The following WIPF1 variants were observed in gnomAD, a reference collection of about 807,000 sequenced individuals.
WIPF1 encodes the protein WAS/WASL-interacting protein family member 1.
A neutral mutation model predicts 35.4 loss-of-function variants in WIPF1; 13 were observed. The ratio of observed to expected loss-of-function variants is 0.37; its 90% CI spans 0.24 to 0.58. WIPF1 has a LOEUF of 0.58. Among genes scored for constraint, WIPF1 ranks in the 20% least tolerant of loss-of-function variants. The probability of loss-of-function intolerance (pLI) is 0.74; values close to 1 mark genes in which losing one functional copy is unlikely to be tolerated. For missense variants in WIPF1, 591 were observed against 667.0 expected (o/e 0.89, Z 1.25); for synonymous variants, 267 against 266.3 (o/e 1.00, Z -0.02).
intron 3 of WIPF1, among the ~76,000 whole-genome samples, chr2:174,576,608 C>CA (rs1685072215): frequency 6.6e-6 from 1 of 151,984 alleles, no homozygotes; most frequent in Non-Finnish European, 1.5e-5. Flanking sequence ...AATTTATCTG[C>CA]AAAAAATTGT....
chr2:174,586,017 C>G (rs1395126510), intron 1 of WIPF1, among the ~76,000 whole-genome samples: 3 of 152,178 alleles, frequency 2.0e-5, no homozygotes, highest in Non-Finnish European at 4.4e-5. Flanking sequence ...TTCATGCTCT[C>G]CCACCCCCTC....
intron 1 of WIPF1, chr2:174,673,397 G>A (rs533449141): frequency 3.9e-5 from 6 of 152,344 alleles, no homozygotes; most frequent in African/African-American, 1.2e-4. Flanking sequence ...TGAAGTCTCC[G>A]CAACACTGCC....
chr2:174,575,527 T>C, intron 3 of WIPF1, 147 bp from the exon 4 acceptor site: 15 of 1,390,484 alleles, frequency 1.1e-5, no homozygotes, highest in Non-Finnish European at 1.3e-5. Context: ...TTTTAAGAGT[T>C]CCCTCAGCTC....
intron 1 of WIPF1, among the ~76,000 whole-genome samples, chr2:174,670,059 T>G (rs1431741873): frequency 6.6e-6 from 1 of 152,132 alleles, no homozygotes; most frequent in Non-Finnish European, 1.5e-5. Context: ...CTCTAATCTC[T>G]GTTTCCTAAT....
rs775147587 is a variant in WIPF1 at position 174,572,199 on chromosome 2, C to G, written c.606G>C (p.Gly202=). Residue 202 remains glycine, a synonymous_variant, in exon 5 of 8, where the codon GGG becomes GGC. Transcript: ENST00000679041. ...RPIQSSPHNR[G]SPPVPGGPRQ... is the part of the protein sequence containing the mutation. Reference sequence around the variant, plus strand: ...TGGGGCCTCCGGGCACTGGTGGGGACCCCCGGTTGTGCGGACTTGATTGAA... The same window carrying G: ...TGGGGCCTCCGGGCACTGGTGGGGAGCCCCGGTTGTGCGGACTTGATTGAA... 6.2e-7 allele frequency: 1 copy of G among 1,614,120 alleles called. No homozygotes were observed. Among genetic ancestry groups the G allele is most frequent in the East Asian group, 2.2e-5 (1 of 44,874 alleles).
chr2:174,564,401 T>G (rs1684580257), intron 7 of WIPF1, among the ~76,000 whole-genome samples: 1 of 152,156 alleles, frequency 6.6e-6, no homozygotes, highest in Non-Finnish European at 1.5e-5. Flanking sequence ...AGGGGACTAC[T>G]TGAGGCCAGA....
chr2:174,640,543 A>C (rs1395019110), intron 1 of WIPF1, among the ~76,000 whole-genome samples: 1 of 152,034 alleles, frequency 6.6e-6, no homozygotes, highest in Non-Finnish European at 1.5e-5. Flanking sequence ...GAAATTGAAG[A>C]GGACACAAAT....
In WIPF1 at chr2:174,571,401, A is replaced by C. The variant is rs1684828526; in HGVS notation, c.1129+275T>G. ...GTACACTTCAGAGATGGAAGATGAA[A>C]GTTCTTGCCTCTTCTTTATTAACTA... On this transcript the variant is annotated intron_variant, in intron 5 of 7. Coordinates refer to ENST00000679041, the MANE Select transcript of WIPF1 (RefSeq NM_001375834.1). The surrounding 1 kb of genome is among the most constrained non-coding windows in gnomAD (Gnocchi z 4.6). The C allele has an allele frequency of 3.1e-5, 19 of 607,098 alleles. No homozygotes were observed. In the South Asian group the frequency reaches 3.7e-4, roughly 12 times the overall value. 37.6% of individuals were successfully genotyped at this position (607,098 alleles called of 1,614,324 possible). A position where few individuals can be genotyped will look rare whatever the true frequency, so the allele number is the denominator to read the frequency against.
At position 174,562,203 on chromosome 2, in the gene WIPF1, A is replaced by G. The variant is rs543316235; in HGVS notation, c.*344T>C. 1.2e-5 allele frequency: 18 copies of G among 1,550,282 alleles called. No homozygotes were observed. The highest frequency in any genetic ancestry group is 1.5e-5 in the Non-Finnish European group (17 of 1,146,902). ...GAAAACAGCTCTCAGGGACTTTAAT[A>G]ATTACAGTCTGTAACAAATAAGCAG... On this transcript the variant is annotated 3_prime_UTR_variant, in exon 8 of 8. Coordinates refer to ENST00000679041, the MANE Select transcript of WIPF1 (RefSeq NM_001375834.1).
chr2:174,567,963 G>A lies in WIPF1; in HGVS notation c.1240C>T (p.Pro414Ser), dbSNP rs761842397. ...RSGVDSPRSG[P>S]RPPLPPDRPS... ...CTATCAGGAGGAAGGGGAGGCCTGG[G>A]TCCACTCCTGGGACTGTCTACTCCA... Residue 414 changes from proline (P) to serine (S), a missense_variant, in exon 6 of 8, where the codon CCC (proline) becomes TCC (serine). Pro to Ser is a moderately conservative substitution (Grantham distance 74, BLOSUM62 -1). Transcript: ENST00000679041. 1.4e-5 allele frequency: 22 copies of A among 1,614,032 alleles called. No homozygotes were observed. Among genetic ancestry groups the A allele is most frequent in the Non-Finnish European group, 1.7e-5 (20 of 1,180,044 alleles).
chr2:174,595,304 A>C (rs558432496), intron 1 of WIPF1, among the ~76,000 whole-genome samples: 28 of 147,628 alleles, frequency 1.9e-4, no homozygotes, highest in Non-Finnish European at 3.4e-4. Context: ...AAAAAAAAAA[A>C]AAAAAACAGA....
intron 1 of WIPF1, chr2:174,655,435 C>T (rs1021548481): frequency 4.6e-5 from 7 of 152,208 alleles, no homozygotes; most frequent in African/African-American, 1.4e-4. Context: ...TAGCTTATAA[C>T]ATGTGATGAG....
In WIPF1 at chr2:174,681,800, C is replaced by A. The variant is rs952053759; in HGVS notation, c.-39+974G>T. On this transcript the variant is annotated intron_variant, in intron 1 of 8. Coordinates refer to the WIPF1 transcript ENST00000272746. ...CCAACTTGAGAGGCTTCCCAGAGAA[C>A]TCAATAAGGCCAGGAGCCCGTGGCT... 2.6e-5 allele frequency among the ~76,000 whole-genome samples: 4 copies of A among 152,182 alleles called. No homozygotes were observed. In the South Asian group the frequency reaches 6.2e-4, roughly 24 times the overall value.
At chr2:174,681,449 A>C (rs559479867) in intron 1 of WIPF1, among the ~76,000 whole-genome samples, 17 of 152,370 alleles carry the variant, frequency 1.1e-4, no homozygotes, top group Non-Finnish European at 1.6e-4. Flanking sequence ...AAGAACCTAA[A>C]AGGTGATTTA....
chr2:174,653,669 G>A (rs373002163), intron 1 of WIPF1, among the ~76,000 whole-genome samples: 2 of 150,750 alleles, frequency 1.3e-5, no homozygotes, highest in African/African-American at 4.9e-5. Flanking sequence ...GTGAACCTGG[G>A]AGGCGGAGCT....
intron 1 of WIPF1, among the ~76,000 whole-genome samples, chr2:174,671,200 C>T (rs1016972790): frequency 8.5e-5 from 13 of 152,152 alleles, no homozygotes; most frequent in Non-Finnish European, 1.3e-4. Flanking sequence ...TTTATTAGTT[C>T]CCCAAATTAA....
intron 1 of WIPF1, chr2:174,676,919 T>C (rs1488517235): frequency 2.0e-5 from 3 of 152,140 alleles, no homozygotes; most frequent in Admixed American, 6.6e-5. Flanking sequence ...TCCCAGCCCT[T>C]TGGGAGGCAA....
chr2:174,631,149 T>C (rs1687007457), intron 1 of WIPF1, among the ~76,000 whole-genome samples: 1 of 152,166 alleles, frequency 6.6e-6, no homozygotes, highest in Non-Finnish European at 1.5e-5. Context: ...ATCCAGGATC[T>C]CAAAGATATG....
chr2:174,606,359 A>G (rs1468129624), intron 1 of WIPF1, among the ~76,000 whole-genome samples: 1 of 152,244 alleles, frequency 6.6e-6, no homozygotes, highest in Non-Finnish European at 1.5e-5. Flanking sequence ...TGTACTAAAC[A>G]TTTGAAAAGA....
Sources: gnomAD v4.1 joint callset for allele counts (sites outside exome capture counted in the v4.1 genomes callset) on GRCh38, gnomAD v4.1.1 for gene constraint, Gnocchi (gnomAD v3.1) non-coding constraint, MANE v1.5 for transcripts, NCBI Gene and HGNC (gene_info 2026-07-23, HGNC 2026-07-21) for gene names.